Variants in PDE12 observed in about 807,000 individuals in gnomAD.
PDE12 encodes the protein phosphodiesterase 12.
In PDE12, 26 loss-of-function variants were observed where a neutral mutation model predicts 45.4. The ratio of observed to expected loss-of-function variants is 0.57; its 90% CI spans 0.42 to 0.79. The LOEUF is 0.79. Ranked by LOEUF, PDE12 falls within the 30% of genes least tolerant of loss-of-function variation. The pLI, the probability that PDE12 is intolerant of heterozygous loss-of-function variation, is 0.00. For missense variants in PDE12, 668 were observed against 790.0 expected, an observed-to-expected ratio of 0.85 and a Z score of 1.85; for synonymous variants, 283 against 323.9, an observed-to-expected ratio of 0.87 and a Z score of 1.36.
At chr3:57,572,304 A>G in the PDE12 span, 1 of 1,598,750 alleles carries the variant, frequency 6.3e-7, no homozygotes, top group Non-Finnish European at 8.6e-7. Context: ...TACCACTGTA[A>G]AGAGAAGACA....
chr3:57,607,022 C>T, the PDE12 span, among the ~76,000 whole-genome samples: 3 of 152,186 alleles, frequency 2.0e-5, no homozygotes. Context: ...ACACCCCACA[C>T]AGCCGGGTAC....
chr3:57,638,427 G>T, the PDE12 span, among the ~76,000 whole-genome samples: 4 of 151,958 alleles, frequency 2.6e-5, no homozygotes, highest in South Asian at 2.1e-4. Context: ...GGAGGCCAAG[G>T]CGGGTGGATC....
chr3:57,586,037 C>T, the PDE12 span, among the ~76,000 whole-genome samples: 1 of 152,122 alleles, frequency 6.6e-6, no homozygotes, highest in Non-Finnish European at 1.5e-5. Context: ...AAAAAATCCA[C>T]ACTAGAACAA....
chr3:57,560,850 G>A lies in PDE12; in HGVS notation c.*846G>A, dbSNP rs1315978073. On this transcript the variant is annotated 3_prime_UTR_variant, in exon 3 of 3. Transcript: ENST00000311180. Reference sequence around the variant, plus strand: ...TTGACACATGGAAGGAGTAACATTAGGGTCTACCTCTACCTCAATTTAGTT... The same window carrying A: ...TTGACACATGGAAGGAGTAACATTAAGGTCTACCTCTACCTCAATTTAGTT... 1 of 985,296 alleles carries A rather than the reference G, an allele frequency of 1.0e-6. No homozygotes were observed. The highest frequency in any genetic ancestry group is 1.2e-6 in the Non-Finnish European group (1 of 829,504). The allele number at this position is 985,296 out of a possible 1,614,324, so 61.0% of individuals were successfully genotyped here.
At chr3:57,597,279 C>T in the PDE12 span, 1 of 790,640 alleles carries the variant, frequency 1.3e-6, no homozygotes, top group African/African-American at 1.7e-5. Flanking sequence ...AGAAACGTCT[C>T]AGTGGCCCCT....
the PDE12 span, among the ~76,000 whole-genome samples, chr3:57,595,836 A>T: frequency 0.13 from 20,502 of 151,956 alleles, 1,461 homozygotes; most frequent in South Asian, 0.21. Context: ...CTGTAATCCC[A>T]GCTACTCGGG....
Position 57,561,910 on chromosome 3 carries a change from C to A in PDE12, c.*1906C>A, listed in dbSNP as rs759477671. 1.0e-6 allele frequency: 1 copy of A among 984,854 alleles called. No homozygotes were observed. Among genetic ancestry groups the A allele is most frequent in the Admixed American group, 6.2e-5 (1 of 16,258 alleles). 61.0% of individuals were successfully genotyped at this position (984,854 alleles called of 1,614,324 possible). ...GGGAAAATTAAAGTGGAAGTTTCTT[C>A]GGATCTTGTTTAGAAAAAACTATAA... On this transcript the variant is annotated 3_prime_UTR_variant, in exon 3 of 3. Transcript: ENST00000311180.
chr3:57,622,152 C>T, the PDE12 span, among the ~76,000 whole-genome samples: 2 of 152,048 alleles, frequency 1.3e-5, no homozygotes, highest in African/African-American at 2.4e-5. Flanking sequence ...TTCCAGCCTG[C>T]GCAACAGAGT....
At chr3:57,609,927 A>G in the PDE12 span, among the ~76,000 whole-genome samples, 1 of 152,122 alleles carries the variant, frequency 6.6e-6, no homozygotes, top group Non-Finnish European at 1.5e-5. Flanking sequence ...CAGAGACACA[A>G]CAAAAAAAGA....
At chr3:57,628,161 T>C in the PDE12 span, 2 of 1,580,640 alleles carry the variant, frequency 1.3e-6, no homozygotes, top group African/African-American at 2.7e-5. Flanking sequence ...GGTTGAAATG[T>C]CAGTATGCTT....
At chr3:57,568,785 A>G (rs1559780422), downstream of PDE12, among the ~76,000 whole-genome samples, 1 of 151,880 alleles carries the variant, frequency 6.6e-6, no homozygotes, top group Non-Finnish European at 1.5e-5. Flanking sequence ...TCTTAACAAA[A>G]TATCAAGATA....
At chr3:57,637,500 G>GT in the PDE12 span, among the ~76,000 whole-genome samples, 1 of 151,878 alleles carries the variant, frequency 6.6e-6, no homozygotes, top group Admixed American at 6.6e-5. Context: ...TAAAGAAGAT[G>GT]TTTTTTTCTC....
the PDE12 span, among the ~76,000 whole-genome samples, chr3:57,640,040 G>C: frequency 6.6e-6 from 1 of 152,086 alleles, no homozygotes; most frequent in Non-Finnish European, 1.5e-5. Flanking sequence ...GGGAAGCCGA[G>C]GTGGGCGGTC....
At chr3:57,656,315 C>T in the PDE12 span, among the ~76,000 whole-genome samples, 1 of 152,266 alleles carries the variant, frequency 6.6e-6, no homozygotes, top group Admixed American at 6.5e-5. Flanking sequence ...TAGCATAATG[C>T]TTTTGGAAGT....
chr3:57,653,652 A>T, the PDE12 span, among the ~76,000 whole-genome samples: 42 of 151,270 alleles, frequency 2.8e-4, no homozygotes, highest in Admixed American at 2.6e-3. Flanking sequence ...AGGCTGAGGC[A>T]GGAGAATTGC....
chr3:57,646,746 A>AT, the PDE12 span, among the ~76,000 whole-genome samples: 1 of 152,230 alleles, frequency 6.6e-6, no homozygotes, highest in Non-Finnish European at 1.5e-5. Flanking sequence ...TGATCGATCT[A>AT]TTTTATCAAT....
chr3:57,605,257 GGA>G, the PDE12 span, among the ~76,000 whole-genome samples: 1 of 152,138 alleles, frequency 6.6e-6, no homozygotes, highest in African/African-American at 2.4e-5. Flanking sequence ...ATTCCAGAGA[GGA>G]GAGAGCAGCA....
the PDE12 span, chr3:57,628,240 T>C: frequency 5.0e-6 from 8 of 1,613,798 alleles, no homozygotes; most frequent in South Asian, 8.8e-5. Flanking sequence ...TTGAGCAGTA[T>C]GCCTTGCAAG....
the PDE12 span, among the ~76,000 whole-genome samples, chr3:57,622,910 C>T: frequency 1.3e-5 from 2 of 152,108 alleles, no homozygotes; most frequent in Admixed American, 1.3e-4. Flanking sequence ...ACTATAGTGA[C>T]GGAAAACATC....
Sources: allele counts gnomAD v4.1 joint callset (sites outside exome capture counted in the v4.1 genomes callset), GRCh38; gene constraint gnomAD v4.1.1; transcripts MANE v1.5; gene names NCBI Gene and HGNC (gene_info 2026-07-23, HGNC 2026-07-21).